Variants in CACNA1B observed in about 807,000 individuals in gnomAD.
CACNA1B encodes the protein voltage-dependent N-type calcium channel subunit alpha-1B.
CACNA1B carries 70 observed loss-of-function variants against 247.2 expected under a neutral mutation model. The observed-to-expected ratio is 0.28, with a 90% CI of 0.23 to 0.35. The LOEUF (loss-of-function observed/expected upper bound fraction) is 0.35. Ranked by LOEUF, CACNA1B falls within the 10% of genes least tolerant of loss-of-function variation. CACNA1B has a pLI of 1.00. For synonymous variants in CACNA1B, 1,231 were observed against 1,294.4 expected (o/e 0.95, Z 1.05); for missense variants, 2,367 against 3,197.4 (o/e 0.74, Z 6.26).
rs1489809946 is a variant in CACNA1B, at chr9:138,050,769, G to A, written c.3711-1323G>A. On this transcript the variant is annotated intron_variant, in intron 24 of 46. Transcript: ENST00000371372. This position sits in a 1 kb window ranked among gnomAD's most constrained non-coding sequence, Gnocchi z 5.2. ...CCTGTCCCCTCTTCCCTCAGCTGGC[G>A]GAGGAGCTGGTTTGAGAGTGGGTGT... Among the ~76,000 whole-genome samples the A allele has an allele frequency of 6.6e-6, 1 of 152,130 alleles. No individual in the cohort carries two copies. The highest frequency in any genetic ancestry group is 2.4e-5 in the African/African-American group (1 of 41,428).
chr9:137,965,749 C>G lies in CACNA1B; in HGVS notation c.1334-5634C>G, dbSNP rs931732061. 2.0e-5 allele frequency among the ~76,000 whole-genome samples: 3 copies of G among 152,252 alleles called. No individual in the cohort carries two copies. The East Asian group carries it at 5.8e-4, about 29-fold the overall frequency. On this transcript the variant is annotated intron_variant, in intron 10 of 46. Transcript: ENST00000371372. ...TACAGGCACCCACCACCACGCCCAG[C>G]TAATTTTTGTGTTTTTAGTAGAGAC... is the stretch of plus-strand genomic sequence containing the variant.
intron 15 of CACNA1B, among the ~76,000 whole-genome samples, chr9:137,996,809 G>A (rs959916539): frequency 6.6e-6 from 1 of 152,100 alleles, no homozygotes; most frequent in Non-Finnish European, 1.5e-5. Context: ...GCCACTCATT[G>A]TATGAAACTA....
chr9:138,074,214 G>T, intron 34 of CACNA1B, 148 bp downstream of exon 34: 1 of 679,944 alleles, frequency 1.5e-6, no homozygotes. Context: ...TTGAGCACTT[G>T]CTGAACTTAC....
At chr9:138,039,241 A>G (rs1337239763) in intron 20 of CACNA1B, among the ~76,000 whole-genome samples, 2 of 152,104 alleles carry the variant, frequency 1.3e-5, no homozygotes, top group Non-Finnish European at 2.9e-5. Flanking sequence ...TATGTCATTA[A>G]TTCCGTGGCA....
At chr9:138,098,899 C>T (rs950532369) in intron 37 of CACNA1B, among the ~76,000 whole-genome samples, 2 of 152,198 alleles carry the variant, frequency 1.3e-5, no homozygotes, top group African/African-American at 2.4e-5. Context: ...TCCAAGATGG[C>T]CAGGACAGGC....
chr9:138,115,953 G>A (rs891178779), intron 42 of CACNA1B, among the ~76,000 whole-genome samples: 2 of 152,268 alleles, frequency 1.3e-5, no homozygotes, highest in African/African-American at 4.8e-5. Context: ...CCTGAGAGCA[G>A]TCAAGGGCTC....
chr9:137,907,650 A>T (rs1957313398), intron 3 of CACNA1B, among the ~76,000 whole-genome samples: 1 of 151,878 alleles, frequency 6.6e-6, no homozygotes, highest in Non-Finnish European at 1.5e-5. Context: ...ATTTGTAGAA[A>T]TTTTTTCTAC....
chr9:137,898,311 T>C (rs1957194747), intron 3 of CACNA1B, among the ~76,000 whole-genome samples: 1 of 152,246 alleles, frequency 6.6e-6, no homozygotes, highest in Non-Finnish European at 1.5e-5. Flanking sequence ...GAGTTGATCC[T>C]GTTTGGGGTC....
Position 137,952,390 on chromosome 9 carries a change from G to A in CACNA1B, c.1070+13G>A. On this transcript the variant is annotated intron_variant, in intron 7 of 46. Transcript: ENST00000371372. This position sits in a 1 kb window ranked among gnomAD's most constrained non-coding sequence, Gnocchi z 4.8. The stretch of plus-strand genomic sequence containing the variant: ...GCGTGCTCTCGGGGTGAGAGACCAT[G>A]TGGGGGATGTGCAGGTGCCCCTCTG... 6.2e-7 allele frequency: 1 copy of A among 1,603,808 alleles called. No homozygotes were observed. Among genetic ancestry groups the A allele is most frequent in the Non-Finnish European group, 8.5e-7 (1 of 1,170,714 alleles).
intron 6 of CACNA1B, among the ~76,000 whole-genome samples, chr9:137,921,928 T>C: frequency 6.9e-6 from 1 of 145,378 alleles, no homozygotes; most frequent in African/African-American, 2.6e-5. Flanking sequence ...GAGAACATGG[T>C]CAGCACCACG....
At chr9:138,040,481 C>CAT (rs146996665) in intron 20 of CACNA1B, 22,933 of 204,898 alleles carry the variant, frequency 0.11, 4,234 homozygotes, top group African/African-American at 0.45. Context: ...TCCTATATAT[C>CAT]ATATATATAT....
At chr9:138,008,751 G>A (rs182943921) in intron 16 of CACNA1B, among the ~76,000 whole-genome samples, 6 of 152,336 alleles carry the variant, frequency 3.9e-5, no homozygotes, top group South Asian at 2.1e-4. Context: ...AGGTTCTAAC[G>A]GGGGCAGCTT....
At chr9:138,071,884 G>A (rs1367487814) in intron 32 of CACNA1B, among the ~76,000 whole-genome samples, 2 of 152,012 alleles carry the variant, frequency 1.3e-5, no homozygotes, top group African/African-American at 4.8e-5. Context: ...AGGTTTCAGA[G>A]TGGGAGCCTC....
chr9:138,039,543 G>A (rs1959090944), intron 20 of CACNA1B, among the ~76,000 whole-genome samples: 1 of 152,088 alleles, frequency 6.6e-6, no homozygotes, highest in Non-Finnish European at 1.5e-5. Context: ...TGTACCATCT[G>A]TGAATATATC....
At chr9:138,113,646 G>A (rs1293049071) in intron 40 of CACNA1B, among the ~76,000 whole-genome samples, 1 of 130,554 alleles carries the variant, frequency 7.7e-6, no homozygotes, top group African/African-American at 3.0e-5. Flanking sequence ...GGGAGCGCAG[G>A]AAGGTGCCCA....
chr9:138,083,835 G>A (rs1357246332), intron 36 of CACNA1B, among the ~76,000 whole-genome samples: 1 of 150,326 alleles, frequency 6.7e-6, no homozygotes, highest in Non-Finnish European at 1.5e-5. Flanking sequence ...CCATTCTAGG[G>A]TACTTGCTGC....
intron 10 of CACNA1B, among the ~76,000 whole-genome samples, chr9:137,960,181 AAAG>A (rs2133349473): frequency 1.4e-5 from 1 of 69,556 alleles, no homozygotes; most frequent in Non-Finnish European, 3.0e-5. Context: ...GCGGGGAGGG[AAAG>A]TTGGCCTGAG....
Position 138,051,835 on chromosome 9 carries a change from C to A in CACNA1B, c.3711-257C>A, listed in dbSNP as rs1343195093. ...GGGAGGGGTGTCAGGGGTGATGGTT[C>A]TTCTCCTTGTGCACCAGATGCTGCT... On this transcript the variant is annotated intron_variant, in intron 24 of 46. Coordinates refer to ENST00000371372, the MANE Select transcript of CACNA1B (RefSeq NM_000718.4). The surrounding 1 kb of genome is among the most constrained non-coding windows in gnomAD (Gnocchi z 4.3). 6.6e-6 allele frequency among the ~76,000 whole-genome samples: 1 copy of A among 152,250 alleles called. No individual in the cohort carries two copies. Among genetic ancestry groups the A allele is most frequent in the East Asian group, 1.9e-4 (1 of 5,154 alleles).
At position 138,001,283 on chromosome 9, in the gene CACNA1B, A is replaced by C. The variant is rs547796180; in HGVS notation, c.1975-5484A>C. 9.3e-5 allele frequency among the ~76,000 whole-genome samples: 8 copies of C among 86,330 alleles called. No individual in the cohort carries two copies. In the East Asian group the frequency reaches 0.011, roughly 122 times the overall value. 56.6% of individuals were successfully genotyped at this position (86,330 alleles called of 152,430 possible). On this transcript the variant is annotated intron_variant, in intron 15 of 46. Transcript: ENST00000371372. ...ACTAAGAATTGACAGGAGTTTAAAA[A>C]AATCTGGTAAAGAGTATCTACAAAA...
Sources: gnomAD v4.1 joint callset for allele counts (sites outside exome capture counted in the v4.1 genomes callset) on GRCh38, gnomAD v4.1.1 for gene constraint, Gnocchi (gnomAD v3.1) non-coding constraint, MANE v1.5 for transcripts, NCBI Gene and HGNC (gene_info 2026-07-23, HGNC 2026-07-21) for gene names.